UVRAG: variants seen among roughly 807,000 people sequenced by gnomAD.
UVRAG encodes UV radiation resistance-associated gene protein.
Under a neutral mutation model 78.0 loss-of-function variants are expected in UVRAG, and 19 were observed. The observed-to-expected ratio is 0.24, with a 90% CI of 0.17 to 0.36. The LOEUF (loss-of-function observed/expected upper bound fraction) is 0.36. Among genes scored for constraint, UVRAG ranks in the 10% least tolerant of loss-of-function variants. The probability of loss-of-function intolerance (pLI) is 1.00; values close to 1 mark genes in which losing one functional copy is unlikely to be tolerated. For synonymous variants in UVRAG, 323 were observed against 324.6 expected, an observed-to-expected ratio of 1.00 and a Z score of 0.05; for missense variants, 740 against 853.8, an observed-to-expected ratio of 0.87 and a Z score of 1.66.
At chr11:75,819,087 A>G (rs904925534) in intron 1 of UVRAG, among the ~76,000 whole-genome samples, 5 of 152,252 alleles carry the variant, frequency 3.3e-5, no homozygotes, top group African/African-American at 1.2e-4. Flanking sequence ...TAGGATAGAG[A>G]GTATCCTTGT....
chr11:76,042,759 G>A (rs999687762), intron 12 of UVRAG, among the ~76,000 whole-genome samples: 17 of 152,170 alleles, frequency 1.1e-4, no homozygotes, highest in African/African-American at 4.1e-4. Flanking sequence ...AAGGGAGTTT[G>A]CCCTTACCTA....
rs1228875641 is a variant in UVRAG, at chr11:76,039,398, ACT to A, written c.1226+22420_1226+22421del. ...GACTTAATAGTGAAACTTTGTAAGGACTCCACTAAAATCAGAAGGCACATAAG... is the reference window on the plus strand; with the variant it reads ...GACTTAATAGTGAAACTTTGTAAGGACCACTAAAATCAGAAGGCACATAAG... On this transcript the variant is annotated intron_variant, in intron 12 of 14. Coordinates refer to ENST00000356136, the MANE Select transcript of UVRAG (RefSeq NM_003369.4). 3.9e-5 allele frequency among the ~76,000 whole-genome samples: 6 copies of A among 152,296 alleles called. No individual in the cohort carries two copies. In the East Asian group the frequency reaches 5.8e-4, roughly 15 times the overall value.
At chr11:75,819,432 G>T (rs1174166848) in intron 1 of UVRAG, among the ~76,000 whole-genome samples, 2 of 151,834 alleles carry the variant, frequency 1.3e-5, no homozygotes, top group African/African-American at 2.4e-5. Flanking sequence ...ACTGCAACCT[G>T]CCCCTCCCGG....
At chr11:76,041,159 G>C (rs187270090) in intron 12 of UVRAG, among the ~76,000 whole-genome samples, 45 of 152,286 alleles carry the variant, frequency 3.0e-4, no homozygotes, top group Admixed American at 2.4e-3. Flanking sequence ...TATCAATCAT[G>C]TTTCAGTCAG....
chr11:76,068,839 C>T (rs1951248256), intron 13 of UVRAG, among the ~76,000 whole-genome samples: 1 of 152,154 alleles, frequency 6.6e-6, no homozygotes, highest in Admixed American at 6.5e-5. Flanking sequence ...GACATATAGA[C>T]TAATATATGT....
intron 11 of UVRAG, among the ~76,000 whole-genome samples, chr11:76,012,471 G>T (rs893621049): frequency 1.1e-4 from 17 of 151,988 alleles, no homozygotes; most frequent in Admixed American, 8.5e-4. Context: ...TTTCTTCCTC[G>T]CTTTGAATAA....
chr11:75,990,074 A>C (rs1949576444), intron 8 of UVRAG, among the ~76,000 whole-genome samples: 1 of 152,240 alleles, frequency 6.6e-6, no homozygotes, highest in South Asian at 2.1e-4. Flanking sequence ...GTGTATTTGG[A>C]ATGTGAATAA....
intron 13 of UVRAG, among the ~76,000 whole-genome samples, chr11:76,077,774 T>C (rs1008927296): frequency 2.6e-5 from 4 of 152,200 alleles, no homozygotes; most frequent in Non-Finnish European, 4.4e-5. Context: ...TGCTTTCCTT[T>C]TGTCAGACAG....
chr11:76,114,373 A>G (rs2134464775), intron 13 of UVRAG, among the ~76,000 whole-genome samples: 1 of 152,258 alleles, frequency 6.6e-6, no homozygotes, highest in African/African-American at 2.4e-5. Context: ...TTTCTCAAGT[A>G]TTGTTACCAG....
chr11:75,982,987 G>T (rs1949423132), intron 7 of UVRAG, among the ~76,000 whole-genome samples: 1 of 152,110 alleles, frequency 6.6e-6, no homozygotes, highest in Non-Finnish European at 1.5e-5. Context: ...TCAGGTTTTT[G>T]TGTGGACATG....
intron 13 of UVRAG, among the ~76,000 whole-genome samples, chr11:76,094,651 G>A (rs575798552): frequency 3.9e-5 from 6 of 152,158 alleles, no homozygotes; most frequent in Admixed American, 3.9e-4. Flanking sequence ...TTGCATAGAG[G>A]TGTTTATAGT....
At chr11:76,019,728 G>A (rs1478119549) in intron 12 of UVRAG, among the ~76,000 whole-genome samples, 1 of 152,224 alleles carries the variant, frequency 6.6e-6, no homozygotes, top group Non-Finnish European at 1.5e-5. Context: ...GGAGTAGGGA[G>A]ACACAATCAC....
chr11:75,878,189 C>T (rs1270055919), intron 3 of UVRAG, among the ~76,000 whole-genome samples: 19 of 150,410 alleles, frequency 1.3e-4, no homozygotes, highest in Middle Eastern at 3.5e-3. Context: ...GACGGGGTCA[C>T]GGCCGGGCAG....
chr11:75,982,514 G>T (rs1949413579), intron 7 of UVRAG, among the ~76,000 whole-genome samples: 1 of 152,116 alleles, frequency 6.6e-6, no homozygotes, highest in African/African-American at 2.4e-5. Flanking sequence ...GTGGGAGAGG[G>T]TTATCTTATT....
chr11:76,079,173 C>T (rs779117991), intron 13 of UVRAG, among the ~76,000 whole-genome samples: 4 of 152,172 alleles, frequency 2.6e-5, no homozygotes, highest in East Asian at 1.9e-4. Flanking sequence ...TGACTCGCGA[C>T]AGCATGATCA....
In UVRAG at chr11:76,086,446, G is replaced by A. The variant is rs113228379; in HGVS notation, c.1305+20658G>A. ...AAGTATTGGCTGTATTTTGTTTTCA[G>A]TTGTAAGTATCCTTTCATATTTGAA... On this transcript the variant is annotated intron_variant, in intron 13 of 14. Coordinates refer to ENST00000356136, the MANE Select transcript of UVRAG (RefSeq NM_003369.4). Among the ~76,000 whole-genome samples, 1,059 of 152,286 alleles carry A rather than the reference G, an allele frequency of 7.0e-3. 17 individuals are homozygous for A. Among genetic ancestry groups the A allele is most frequent in the African/African-American group, 0.024 (1,014 of 41,570 alleles).
chr11:75,844,561 A>G (rs1404805142), intron 1 of UVRAG, among the ~76,000 whole-genome samples: 1 of 152,146 alleles, frequency 6.6e-6, no homozygotes, highest in Non-Finnish European at 1.5e-5. Flanking sequence ...GGTATTAAGA[A>G]GAAAAACAGC....
At chr11:75,844,773 G>A (rs1336383496) in intron 1 of UVRAG, among the ~76,000 whole-genome samples, 1 of 151,372 alleles carries the variant, frequency 6.6e-6, no homozygotes, top group Non-Finnish European at 1.5e-5. Flanking sequence ...ATTTGGGCTC[G>A]GGTGATTCTT....
chr11:75,967,471 G>A (rs1949045142), intron 7 of UVRAG, among the ~76,000 whole-genome samples: 1 of 152,096 alleles, frequency 6.6e-6, no homozygotes, highest in African/African-American at 2.4e-5. Flanking sequence ...TGGGACAGCT[G>A]CCACAATTTT....
Sources: gnomAD v4.1 joint callset for allele counts (sites outside exome capture counted in the v4.1 genomes callset) on GRCh38, gnomAD v4.1.1 for gene constraint, MANE v1.5 for transcripts, NCBI Gene and HGNC (gene_info 2026-07-23, HGNC 2026-07-21) for gene names.